NAPG: variants seen among roughly 807,000 people sequenced by gnomAD.
NAPG encodes the protein NSF attachment protein gamma.
Under a neutral mutation model 48.4 loss-of-function variants are expected in NAPG, and 25 were observed. That is an observed-to-expected ratio of 0.52 (90% confidence interval 0.38 to 0.72). The LOEUF is 0.72. Among genes scored for constraint, NAPG ranks in the 30% least tolerant of loss-of-function variants. The probability of loss-of-function intolerance (pLI) is 0.00; values close to 1 mark genes in which losing one functional copy is unlikely to be tolerated. For missense variants in NAPG, 359 were observed against 372.5 expected (o/e 0.96, Z 0.30); for synonymous variants, 139 against 127.2 (o/e 1.09, Z -0.62).
chr18:10,547,252 C>T (rs187674603), intron 9 of NAPG, among the ~76,000 whole-genome samples: 1 of 152,272 alleles, frequency 6.6e-6, no homozygotes, highest in Admixed American at 6.5e-5. Context: ...AAAAACAAGG[C>T]ACCACATGTA....
chr18:10,549,003 C>A lies in NAPG; in HGVS notation c.702C>A (p.Ala234=). The A allele has an allele frequency of 6.2e-7, 1 of 1,613,562 alleles. No individual in the cohort carries two copies. Among genetic ancestry groups the A allele is most frequent in the South Asian group, 1.1e-5 (1 of 91,034 alleles). The change falls in exon 11 of 12, where the codon GCC becomes GCA. Residue 234 remains alanine, a synonymous_variant. Transcript: ENST00000322897. ...TCAATGGCAGTGAAGACTGTGCTGC[C>A]CTGGAACAGCTTCTTGAAGGTTATG... ...PGFNGSEDCA[A]LEQLLEGYDQ...
At chr18:10,530,905 C>A in intron 2 of NAPG, 68 bp downstream of exon 2, 3 of 1,200,652 alleles carry the variant, frequency 2.5e-6, no homozygotes, top group Non-Finnish European at 3.4e-6. Flanking sequence ...TTCATTTCAC[C>A]ATAATACTTA....
intron 2 of NAPG, 43 bp from the exon 3 acceptor site, chr18:10,532,668 G>A: frequency 6.9e-7 from 1 of 1,439,424 alleles, no homozygotes; most frequent in African/African-American, 1.4e-5. Flanking sequence ...ATTCATTTGA[G>A]GTTTTTAATG....
rs891895834 is a variant in NAPG, at chr18:10,534,195, G to A, written c.228-271G>A. 6.6e-6 allele frequency among the ~76,000 whole-genome samples: 1 copy of A among 152,096 alleles called. No individual in the cohort carries two copies. Among genetic ancestry groups the A allele is most frequent in the African/African-American group, 2.4e-5 (1 of 41,414 alleles). On this transcript the variant is annotated intron_variant, in intron 4 of 11. Coordinates refer to ENST00000322897, the MANE Select transcript of NAPG (RefSeq NM_003826.3). The surrounding 1 kb of genome is among the most constrained non-coding windows in gnomAD (Gnocchi z 5.0). ...AACTTAGGTTTAGGTTTGTCAGATGGAAATTAATTTAACCTTACTGAGCCT... is the reference window on the plus strand; with the variant it reads ...AACTTAGGTTTAGGTTTGTCAGATGAAAATTAATTTAACCTTACTGAGCCT...
At chr18:10,529,444 T>G (rs2031884369) in intron 1 of NAPG, among the ~76,000 whole-genome samples, 1 of 152,168 alleles carries the variant, frequency 6.6e-6, no homozygotes, top group South Asian at 2.1e-4. Flanking sequence ...TTGAATAAAT[T>G]TAATTGGCAA....
intron 1 of NAPG, 83 bp downstream of exon 1, chr18:10,526,241 GGAGGGA>G: frequency 2.5e-6 from 2 of 787,656 alleles, no homozygotes; most frequent in Non-Finnish European, 2.1e-6. Flanking sequence ...GGGGGGGGCG[GGAGGGA>G]GGGCTCAGGG....
intron 1 of NAPG, chr18:10,526,522 C>T: frequency 1.2e-5 from 3 of 252,078 alleles, no homozygotes; most frequent in East Asian, 9.5e-5. Flanking sequence ...GCATCCTTGG[C>T]CTCTACCTGC....
rs1456054048 is a variant in NAPG, at chr18:10,552,197, T to A, written c.*1977T>A. On this transcript the variant is annotated 3_prime_UTR_variant, in exon 12 of 12. Coordinates refer to ENST00000322897, the MANE Select transcript of NAPG (RefSeq NM_003826.3). ...CTTCTTATGTACTGAAAACTTTTTT[T>A]AAAAAAGGTGATGATGAAGTGCATT... 1 of 152,182 alleles carries A rather than the reference T, an allele frequency of 6.6e-6. No individual in the cohort carries two copies. Among genetic ancestry groups the A allele is most frequent in the African/African-American group, 2.4e-5 (1 of 41,440 alleles). 9.4% of individuals were successfully genotyped at this position (152,182 alleles called of 1,614,324 possible).
Position 10,534,561 on chromosome 18 carries a change from G to T in NAPG, c.258+65G>T. ...GAATTAACTACAAGGTGTTAAACAA[G>T]AATTTTTGTTGAAGTTGAAAAGCTT... On this transcript the variant is annotated intron_variant, in intron 5 of 11. Coordinates refer to ENST00000322897, the MANE Select transcript of NAPG (RefSeq NM_003826.3). The surrounding 1 kb of genome is among the most constrained non-coding windows in gnomAD (Gnocchi z 5.0). 6.6e-7 allele frequency: 1 copy of T among 1,519,844 alleles called. No homozygotes were observed. The allele number at this position is 1,519,844 out of a possible 1,614,324, so 94.1% of individuals were successfully genotyped here. A position where few individuals can be genotyped will look rare whatever the true frequency, so the allele number is the denominator to read the frequency against.
chr18:10,532,899 T>C, intron 3 of NAPG, 104 bp downstream of exon 3: 3 of 992,994 alleles, frequency 3.0e-6, no homozygotes, highest in Non-Finnish European at 4.4e-6. Context: ...GTAAAATGTT[T>C]TTAAATTAGA....
chr18:10,540,669 A>G, intron 8 of NAPG: 1 of 307,140 alleles, frequency 3.3e-6, no homozygotes, highest in South Asian at 1.3e-4. Flanking sequence ...GAAAGGGAAC[A>G]GTTTCCTTCA....
chr18:10,537,060 G>A (rs540655142), intron 5 of NAPG, among the ~76,000 whole-genome samples: 11 of 151,740 alleles, frequency 7.2e-5, no homozygotes, highest in South Asian at 4.2e-4. Flanking sequence ...GGGCTCAGGC[G>A]ATCCTCCCAC....
chr18:10,526,088 G>A lies in NAPG; in HGVS notation c.-15G>A, dbSNP rs375139881. ...AGGGTCACCCTCTCTCCACGTCAGA[G>A]ACCTGACTGTGGAGATGGCGGCTCA... On this transcript the variant is annotated 5_prime_UTR_variant, in exon 1 of 12. Transcript: ENST00000322897. 2 of 1,613,264 alleles carry A rather than the reference G, an allele frequency of 1.2e-6. No individual in the cohort carries two copies. The highest frequency in any genetic ancestry group is 2.7e-5 in the African/African-American group (2 of 74,942).
chr18:10,548,583 C>T lies in NAPG; in HGVS notation c.665+205C>T, dbSNP rs570328236. Among the ~76,000 whole-genome samples, 95 of 151,044 alleles carry T rather than the reference C, an allele frequency of 6.3e-4. No homozygotes were observed. In the South Asian group the frequency reaches 0.019, roughly 31 times the overall value. On this transcript the variant is annotated intron_variant, in intron 10 of 11. Transcript: ENST00000322897. The surrounding 1 kb of genome is among the most constrained non-coding windows in gnomAD (Gnocchi z 4.4). ...CCTGTATTTTTCTCTAGGGGACCTC[C>T]ATGGAAGTGAATGACTTTAGTCATT...
Position 10,548,248 on chromosome 18 carries a change from G to A in NAPG, c.586-51G>A. On this transcript the variant is annotated intron_variant, in intron 9 of 11. Transcript: ENST00000322897. The surrounding 1 kb of genome is among the most constrained non-coding windows in gnomAD (Gnocchi z 4.4). ...GTGTTTTCAATACTGCCAGGTTATTGACTTTATTAAACAGATGTAAATTTG... is the reference window on the plus strand; with the variant it reads ...GTGTTTTCAATACTGCCAGGTTATTAACTTTATTAAACAGATGTAAATTTG... 7.3e-7 allele frequency: 1 copy of A among 1,375,138 alleles called. No homozygotes were observed. The highest frequency in any genetic ancestry group is 1.0e-6 in the Non-Finnish European group (1 of 964,858). The allele number at this position is 1,375,138 out of a possible 1,614,324, so 85.2% of individuals were successfully genotyped here. A position where few individuals can be genotyped will look rare whatever the true frequency, so the allele number is the denominator to read the frequency against.
intron 3 of NAPG, 91 bp downstream of exon 3, chr18:10,532,886 G>A: frequency 9.6e-7 from 1 of 1,041,372 alleles, no homozygotes; most frequent in Non-Finnish European, 1.4e-6. Flanking sequence ...TACTACCTGT[G>A]AAGTAAAATG....
intron 11 of NAPG, 50 bp from the exon 12 acceptor site, chr18:10,550,027 G>GT (rs1237328958): frequency 6.7e-7 from 1 of 1,484,522 alleles, no homozygotes; most frequent in Non-Finnish European, 8.9e-7. Flanking sequence ...AGTAAAACAT[G>GT]TTAGGATTCT....
At position 10,544,194 on chromosome 18, in the gene NAPG, C is replaced by A. The variant is rs1026915955; in HGVS notation, c.507-2132C>A. ...ATACATGTAGCTGTAGTCCGCCTTG[C>A]ATTAATTTTTTATTTCTGCATAGCA... On this transcript the variant is annotated intron_variant, in intron 8 of 11. Transcript: ENST00000322897. The surrounding 1 kb of genome is among the most constrained non-coding windows in gnomAD (Gnocchi z 5.1). 1.3e-5 allele frequency among the ~76,000 whole-genome samples: 2 copies of A among 152,204 alleles called. No individual in the cohort carries two copies. The highest frequency in any genetic ancestry group is 4.8e-5 in the African/African-American group (2 of 41,446).
chr18:10,546,547 T>TA lies in NAPG; in HGVS notation c.585+144dup. On this transcript the variant is annotated intron_variant, in intron 9 of 11. Coordinates refer to ENST00000322897, the MANE Select transcript of NAPG (RefSeq NM_003826.3). The surrounding 1 kb of genome is among the most constrained non-coding windows in gnomAD (Gnocchi z 4.0). ...CATGGGCCTCTATTTTTGACCAAGA[T>TA]AGAGTAAGCCCACTACAGCTTGTTT... 2 of 489,094 alleles carry TA rather than the reference T, an allele frequency of 4.1e-6. No individual in the cohort carries two copies. Among genetic ancestry groups the TA allele is most frequent in the African/African-American group, 2.0e-5 (1 of 50,530 alleles). The allele number at this position is 489,094 out of a possible 1,614,324, so 30.3% of individuals were successfully genotyped here. A position where few individuals can be genotyped will look rare whatever the true frequency, so the allele number is the denominator to read the frequency against.
Sources: gnomAD v4.1 joint callset for allele counts (sites outside exome capture counted in the v4.1 genomes callset) on GRCh38, gnomAD v4.1.1 for gene constraint, Gnocchi (gnomAD v3.1) non-coding constraint, MANE v1.5 for transcripts, NCBI Gene and HGNC (gene_info 2026-07-23, HGNC 2026-07-21) for gene names.